HTR1F: variants seen among roughly 807,000 people sequenced by gnomAD.
The protein encoded by HTR1F is 5-hydroxytryptamine receptor 1F, also known as 5-hydroxytryptamine (serotonin) receptor 1F, G protein-coupled.
A neutral mutation model predicts 24.0 loss-of-function variants in HTR1F; 17 were observed. That is an observed-to-expected ratio of 0.71 (90% CI 0.48 to 1.06). HTR1F has a LOEUF of 1.06. HTR1F is among the 50% of genes least tolerant of loss of function. The probability of loss-of-function intolerance (pLI) is 0.00; values close to 1 mark genes in which losing one functional copy is unlikely to be tolerated. For synonymous variants in HTR1F, 186 were observed against 156.8 expected, an observed-to-expected ratio of 1.19 and a Z score of -1.39; for missense variants, 391 against 427.8, an observed-to-expected ratio of 0.91 and a Z score of 0.76.
intron 2 of HTR1F, among the ~76,000 whole-genome samples, chr3:87,828,293 T>C (rs1361820042): frequency 6.6e-6 from 1 of 152,178 alleles, no homozygotes; most frequent in African/African-American, 2.4e-5. Context: ...GGAGTGTCAT[T>C]CACGTTCGAT....
At chr3:87,854,298 T>G (rs976388173) in intron 2 of HTR1F, among the ~76,000 whole-genome samples, 6 of 152,020 alleles carry the variant, frequency 3.9e-5, no homozygotes, top group Non-Finnish European at 5.9e-5. Context: ...TGAATGTATT[T>G]ATTTGTGTCT....
intron 2 of HTR1F, among the ~76,000 whole-genome samples, chr3:87,888,070 A>C (rs998949522): frequency 1.1e-4 from 17 of 152,352 alleles, no homozygotes; most frequent in African/African-American, 4.1e-4. Flanking sequence ...GAACCAACCC[A>C]GATGTCCATC....
intron 2 of HTR1F, among the ~76,000 whole-genome samples, chr3:87,885,127 T>C (rs910437819): frequency 4.6e-5 from 7 of 152,054 alleles, no homozygotes; most frequent in African/African-American, 1.4e-4. Context: ...AGAATAGAAA[T>C]CACAACAAAC....
At chr3:87,914,922 GA>G in intron 2 of HTR1F, among the ~76,000 whole-genome samples, 1 of 152,158 alleles carries the variant, frequency 6.6e-6, no homozygotes, top group Middle Eastern at 3.4e-3. Flanking sequence ...CGTAAGCTAA[GA>G]ACCCTCACAG....
chr3:87,870,093 G>T (rs1301533997), intron 2 of HTR1F, among the ~76,000 whole-genome samples: 1 of 151,990 alleles, frequency 6.6e-6, no homozygotes, highest in African/African-American at 2.4e-5. Flanking sequence ...AAAGGGGAAG[G>T]AATCAAATAT....
At chr3:87,814,704 T>C (rs1704219975) in intron 1 of HTR1F, among the ~76,000 whole-genome samples, 1 of 152,178 alleles carries the variant, frequency 6.6e-6, no homozygotes, top group South Asian at 2.1e-4. Context: ...TGAATGTATG[T>C]GGTATATAAA....
chr3:87,972,910 C>T (rs1004297815), intron 2 of HTR1F, among the ~76,000 whole-genome samples: 2 of 151,926 alleles, frequency 1.3e-5, no homozygotes, highest in East Asian at 1.9e-4. Context: ...GTGACTCACA[C>T]CTGTAATCCC....
intron 2 of HTR1F, among the ~76,000 whole-genome samples, chr3:87,912,496 C>A (rs1258409874): frequency 6.6e-6 from 1 of 151,534 alleles, no homozygotes; most frequent in Non-Finnish European, 1.5e-5. Flanking sequence ...CCATACTGAT[C>A]AAAGCAATTT....
chr3:87,919,938 A>T (rs1207682836), intron 2 of HTR1F, among the ~76,000 whole-genome samples: 1 of 151,824 alleles, frequency 6.6e-6, no homozygotes, highest in Non-Finnish European at 1.5e-5. Context: ...TAGCAGCACA[A>T]TTTGCAATTG....
At chr3:87,925,267 A>T (rs919140220) in intron 2 of HTR1F, among the ~76,000 whole-genome samples, 2 of 152,160 alleles carry the variant, frequency 1.3e-5, no homozygotes, top group African/African-American at 4.8e-5. Flanking sequence ...GATGCTGGGC[A>T]GAACAGTCCT....
At chr3:87,985,908 C>T (rs961536885) in intron 2 of HTR1F, among the ~76,000 whole-genome samples, 2 of 152,164 alleles carry the variant, frequency 1.3e-5, no homozygotes, top group Admixed American at 6.5e-5. Context: ...GGAGTAAATG[C>T]TTCATGCAGC....
At chr3:87,938,428 G>A (rs1704481183) in intron 2 of HTR1F, among the ~76,000 whole-genome samples, 1 of 152,080 alleles carries the variant, frequency 6.6e-6, no homozygotes, top group South Asian at 2.1e-4. Context: ...CATGGAACTA[G>A]AAGAAACTAT....
Position 87,892,589 on chromosome 3 carries a change from A to G in HTR1F, c.-43+70465A>G, listed in dbSNP as rs566405505. Among the ~76,000 whole-genome samples the G allele has an allele frequency of 1.4e-3, 211 of 152,322 alleles. 1 individual carries two copies. The South Asian group carries it at 0.035, about 25-fold the overall frequency. ...TCAGGCTTGAAAGGAGACAACATCT[A>G]TAAAGCTACCCAGTATACTTTTAGG... On this transcript the variant is annotated intron_variant, in intron 2 of 2. Transcript: ENST00000319595.
In HTR1F at chr3:87,945,431, A is replaced by C. The variant is rs572705970; in HGVS notation, c.-42-45277A>C. 2.0e-5 allele frequency among the ~76,000 whole-genome samples: 3 copies of C among 152,256 alleles called. No individual in the cohort carries two copies. The East Asian group carries it at 5.8e-4, about 29-fold the overall frequency. Reference sequence around the variant, plus strand: ...GAGGTAAGGAGAATTTTGGGGCTACACTTTCAAGAAAGTCGTGTTTGGGAC... The same window carrying C: ...GAGGTAAGGAGAATTTTGGGGCTACCCTTTCAAGAAAGTCGTGTTTGGGAC... On this transcript the variant is annotated intron_variant, in intron 2 of 2. Transcript: ENST00000319595.
intron 2 of HTR1F, among the ~76,000 whole-genome samples, chr3:87,853,677 C>A (rs1178410052): frequency 3.3e-5 from 5 of 152,090 alleles, no homozygotes; most frequent in Admixed American, 1.3e-4. Context: ...TACACTCCCA[C>A]CAACAGTGTA....
intron 2 of HTR1F, among the ~76,000 whole-genome samples, chr3:87,840,355 T>C (rs1301293467): frequency 6.6e-6 from 1 of 152,078 alleles, no homozygotes; most frequent in Non-Finnish European, 1.5e-5. Flanking sequence ...ATCAGAGAAA[T>C]GCAAATTAAA....
At chr3:87,833,734 C>T (rs1379752060) in intron 2 of HTR1F, among the ~76,000 whole-genome samples, 7 of 152,078 alleles carry the variant, frequency 4.6e-5, no homozygotes, top group Non-Finnish European at 7.4e-5. Context: ...AGTCCTCCCA[C>T]CCTCAAGCAA....
At chr3:87,945,070 C>CTCCGTCTCTCTCTCTCCTCCA (rs1704663060) in intron 2 of HTR1F, among the ~76,000 whole-genome samples, 2 of 151,930 alleles carry the variant, frequency 1.3e-5, no homozygotes, top group Non-Finnish European at 2.9e-5. Context: ...TCTCTCTCTT[C>CTCCGTCTCTCTCTCTCCTCCA]TCTGTCTCTC....
chr3:87,901,709 A>G (rs150543790), intron 2 of HTR1F, among the ~76,000 whole-genome samples: 118 of 152,168 alleles, frequency 7.8e-4, no homozygotes, highest in African/African-American at 2.5e-3. Flanking sequence ...ACTCACCAAA[A>G]ATGAAAAAAA....
Sources: gnomAD v4.1 joint callset for allele counts (sites outside exome capture counted in the v4.1 genomes callset) on GRCh38, gnomAD v4.1.1 for gene constraint, MANE v1.5 for transcripts, NCBI Gene and HGNC (gene_info 2026-07-23, HGNC 2026-07-21) for gene names.